AGBL1: variants seen among roughly 807,000 people sequenced by gnomAD.
AGBL1 encodes the protein AGBL carboxypeptidase 1.
In AGBL1, 130 loss-of-function variants were observed where a neutral mutation model predicts 118.9. The ratio of observed to expected loss-of-function variants is 1.09; its 90% CI spans 0.95 to 1.26. AGBL1 has a LOEUF of 1.26. Among genes scored for constraint, AGBL1 ranks in the 50% most tolerant of loss-of-function variants. The pLI, the probability that AGBL1 is intolerant of heterozygous loss-of-function variation, is 0.00. For synonymous variants in AGBL1, 555 were observed against 478.9 expected (o/e 1.16, Z -2.08); for missense variants, 1,584 against 1,298.1 (o/e 1.22, Z -3.38).
chr15:87,007,551 T>A (rs1291389918), intron 24 of AGBL1, among the ~76,000 whole-genome samples: 2 of 152,180 alleles, frequency 1.3e-5, no homozygotes, highest in Non-Finnish European at 2.9e-5. Context: ...GTCTTGTTCA[T>A]AATAGACATG....
At chr15:86,372,041 G>A (rs555481879) in intron 17 of AGBL1, among the ~76,000 whole-genome samples, 22 of 152,206 alleles carry the variant, frequency 1.4e-4, no homozygotes, top group Non-Finnish European at 2.9e-4. Flanking sequence ...AAAGTGCAGT[G>A]CTAATGGACC....
At chr15:86,554,240 AT>A in intron 20 of AGBL1, 120 bp from the exon 21 acceptor site, 2 of 860,856 alleles carry the variant, frequency 2.3e-6, no homozygotes, top group Non-Finnish European at 3.4e-6. Context: ...GGGTTAATAA[AT>A]GATTTAAAGT....
intron 7 of AGBL1, among the ~76,000 whole-genome samples, chr15:86,248,324 C>T (rs1011368130): frequency 6.6e-6 from 1 of 152,156 alleles, no homozygotes; most frequent in African/African-American, 2.4e-5. Context: ...CTCAAAACAA[C>T]AGCAACGGCA....
intron 17 of AGBL1, among the ~76,000 whole-genome samples, chr15:86,356,335 CGTGTGT>C (rs55955604): frequency 2.7e-5 from 4 of 150,042 alleles, no homozygotes; most frequent in Admixed American, 6.6e-5. Flanking sequence ...CGAAGATAGA[CGTGTGT>C]GTGTGTGTGT....
chr15:86,876,780 G>C (rs2079816245), intron 22 of AGBL1, among the ~76,000 whole-genome samples: 1 of 152,192 alleles, frequency 6.6e-6, no homozygotes. Context: ...CAGTGGGCCA[G>C]ATTTGCCTTG....
chr15:86,257,117 G>T (rs916314965), intron 8 of AGBL1, 99 bp downstream of exon 8: 84 of 1,288,450 alleles, frequency 6.5e-5, no homozygotes, highest in Non-Finnish European at 8.3e-5. Flanking sequence ...TATTTTATAG[G>T]TCAACCATAA....
Position 86,809,066 on chromosome 15 carries a change from G to T in AGBL1, c.3159-98021G>T, listed in dbSNP as rs527602877. ...GAATATCTAAAAAAAGGAGAGGCTTGCTATGTACATTGTTTCATTCAATTT... is the reference window on the plus strand; with the variant it reads ...GAATATCTAAAAAAAGGAGAGGCTTTCTATGTACATTGTTTCATTCAATTT... On this transcript the variant is annotated intron_variant, in intron 22 of 22. Transcript: ENST00000614907. Among the ~76,000 whole-genome samples, 7 of 152,198 alleles carry T rather than the reference G, an allele frequency of 4.6e-5. No homozygotes were observed. In the South Asian group the frequency reaches 1.5e-3, roughly 32 times the overall value.
At chr15:86,584,265 A>G (rs140820834) in intron 21 of AGBL1, among the ~76,000 whole-genome samples, 140 of 152,230 alleles carry the variant, frequency 9.2e-4, no homozygotes, top group African/African-American at 3.2e-3. Context: ...TCCCAAGGTC[A>G]ATGTCCAGAA....
intron 23 of AGBL1, among the ~76,000 whole-genome samples, chr15:86,924,053 C>T (rs776079121): frequency 6.6e-5 from 10 of 152,154 alleles, no homozygotes; most frequent in Non-Finnish European, 1.5e-4. Flanking sequence ...CTTCATTTGC[C>T]CACAAGTTTT....
chr15:86,744,819 C>T (rs2077730977), intron 22 of AGBL1, among the ~76,000 whole-genome samples: 1 of 152,102 alleles, frequency 6.6e-6, no homozygotes, highest in South Asian at 2.1e-4. Context: ...TTTGTCTTTG[C>T]CTTTAACTCA....
intron 17 of AGBL1, among the ~76,000 whole-genome samples, chr15:86,382,421 C>T (rs1246234850): frequency 6.6e-6 from 1 of 152,216 alleles, no homozygotes; most frequent in East Asian, 1.9e-4. Flanking sequence ...ACCTGCTCCC[C>T]ACACACTCTG....
chr15:86,858,935 C>A (rs2079523312), intron 22 of AGBL1, among the ~76,000 whole-genome samples: 1 of 152,064 alleles, frequency 6.6e-6, no homozygotes, highest in African/African-American at 2.4e-5. Flanking sequence ...ATATTATTAC[C>A]TCCACCTTAT....
intron 22 of AGBL1, among the ~76,000 whole-genome samples, chr15:86,770,460 T>C (rs1453192423): frequency 1.3e-5 from 2 of 151,964 alleles, no homozygotes; most frequent in Non-Finnish European, 2.9e-5. Flanking sequence ...ACAAGCCAGT[T>C]TCCTACAACA....
At chr15:86,854,899 C>G (rs574433151) in intron 22 of AGBL1, among the ~76,000 whole-genome samples, 1 of 152,174 alleles carries the variant, frequency 6.6e-6, no homozygotes, top group African/African-American at 2.4e-5. Context: ...CCCTCAACTG[C>G]CCTCGATCTC....
At chr15:86,700,508 CACAA>C (rs67558299) in intron 22 of AGBL1, among the ~76,000 whole-genome samples, 10,975 of 62,832 alleles carry the variant, frequency 0.17, 409 homozygotes, top group East Asian at 0.26. Context: ...CACACACACA[CACAA>C]AATCTCTCTT....
In AGBL1 at chr15:86,269,955, T is replaced by C; in HGVS notation, c.1875T>C (p.Asn625=). 1.2e-6 allele frequency: 2 copies of C among 1,613,972 alleles called. No homozygotes were observed. The highest frequency in any genetic ancestry group is 1.7e-6 in the Non-Finnish European group (2 of 1,179,886). Reference sequence around the variant, plus strand: ...ACTTGCTGGTCAACGCAGATGTGAATAGCACCCAGCACCAGCAGTGGTTCT... The same window carrying C: ...ACTTGCTGGTCAACGCAGATGTGAACAGCACCCAGCACCAGCAGTGGTTCT... ...EYDLLVNADV[N]STQHQQWFYF... The change falls in exon 14 of 23, where the codon AAT becomes AAC. Residue 625 remains asparagine (N), a synonymous_variant. Coordinates refer to ENST00000614907, the MANE Select transcript of AGBL1 (RefSeq NM_001386094.1).
intron 22 of AGBL1, among the ~76,000 whole-genome samples, chr15:86,766,037 A>G (rs2078092837): frequency 6.6e-6 from 1 of 151,944 alleles, no homozygotes; most frequent in Non-Finnish European, 1.5e-5. Flanking sequence ...ATATTTACTG[A>G]GTGTTTACTA....
At chr15:86,317,954 C>A (rs1409017046) in intron 17 of AGBL1, among the ~76,000 whole-genome samples, 2 of 152,286 alleles carry the variant, frequency 1.3e-5, no homozygotes, top group African/African-American at 4.8e-5. Context: ...CCTGAGACTT[C>A]TGGACCAAGT....
chr15:86,391,060 G>T (rs1328333343), intron 17 of AGBL1, among the ~76,000 whole-genome samples: 4 of 150,292 alleles, frequency 2.7e-5, no homozygotes, highest in African/African-American at 9.8e-5. Flanking sequence ...CAGAGGCTAG[G>T]GGTGGGGTGA....
Sources: gnomAD v4.1 joint callset for allele counts (sites outside exome capture counted in the v4.1 genomes callset) on GRCh38, gnomAD v4.1.1 for gene constraint, MANE v1.5 for transcripts, NCBI Gene and HGNC (gene_info 2026-07-23, HGNC 2026-07-21) for gene names.